MAGI1: variants seen among roughly 807,000 people sequenced by gnomAD.
MAGI1 encodes membrane associated guanylate kinase, WW and PDZ domain containing 1, also known as membrane-associated guanylate kinase, WW and PDZ domain-containing protein 1.
A neutral mutation model predicts 139.9 loss-of-function variants in MAGI1; 58 were observed. The observed-to-expected ratio is 0.41, with a 90% confidence interval of 0.34 to 0.52. The LOEUF is 0.52. MAGI1 is among the 20% of genes least tolerant of loss of function. The pLI is 0.12. For missense variants in MAGI1, 1,874 were observed against 1,901.6 expected, an observed-to-expected ratio of 0.99 and a Z score of 0.27; for synonymous variants, 812 against 737.9, an observed-to-expected ratio of 1.10 and a Z score of -1.63.
At chr3:65,918,749 C>T (rs1289836494) in intron 1 of MAGI1, among the ~76,000 whole-genome samples, 1 of 152,048 alleles carries the variant, frequency 6.6e-6, no homozygotes, top group Non-Finnish European at 1.5e-5. Flanking sequence ...TTGGTGACTA[C>T]GCAGGTCAGC....
intron 2 of MAGI1, among the ~76,000 whole-genome samples, chr3:65,530,516 C>T (rs1246225579): frequency 6.6e-6 from 1 of 150,756 alleles, no homozygotes; most frequent in Non-Finnish European, 1.5e-5. Context: ...ACTGGAGAGA[C>T]TGAGGTGGGA....
intron 1 of MAGI1, among the ~76,000 whole-genome samples, chr3:65,868,721 C>G (rs1178912123): frequency 2.0e-5 from 3 of 152,174 alleles, no homozygotes; most frequent in Non-Finnish European, 4.4e-5. Flanking sequence ...GCAAGGGTGA[C>G]AAGAACCATT....
chr3:65,426,000 G>A (rs1340981215), intron 12 of MAGI1, among the ~76,000 whole-genome samples: 1 of 152,184 alleles, frequency 6.6e-6, no homozygotes, highest in East Asian at 1.9e-4. Context: ...TCTGAATGCA[G>A]ATGCTATGTT....
chr3:66,014,244 A>T (rs2067501739), intron 1 of MAGI1, among the ~76,000 whole-genome samples: 1 of 152,208 alleles, frequency 6.6e-6, no homozygotes, highest in Non-Finnish European at 1.5e-5. Context: ...ACAAACCGAG[A>T]CATATGGTCA....
intron 2 of MAGI1, chr3:65,609,787 G>A (rs986041391): frequency 9.3e-5 from 32 of 343,842 alleles, no homozygotes; most frequent in Admixed American, 3.2e-4. Context: ...ATGTTGCCCA[G>A]GCTGGTCTCA....
intron 1 of MAGI1, among the ~76,000 whole-genome samples, chr3:65,914,828 T>G (rs2061825048): frequency 6.6e-6 from 1 of 152,202 alleles, no homozygotes; most frequent in South Asian, 2.1e-4. Context: ...GTTCAATTGC[T>G]TAGAGTAACC....
At chr3:65,805,326 C>T (rs1022312933) in intron 1 of MAGI1, among the ~76,000 whole-genome samples, 2 of 152,122 alleles carry the variant, frequency 1.3e-5, no homozygotes, top group African/African-American at 4.8e-5. Flanking sequence ...AGCCAACAAA[C>T]GTATGAAAAA....
In MAGI1 at chr3:66,037,824, C is replaced by A. The variant is rs138775979; in HGVS notation, c.313+172G>T. ...CCTCTTCGAAACGCAGGTGGGCAAACAACCCTCAACCTCGCAACAACTTTG... is the reference window on the plus strand; with the variant it reads ...CCTCTTCGAAACGCAGGTGGGCAAAAAACCCTCAACCTCGCAACAACTTTG... On this transcript the variant is annotated intron_variant, in intron 1 of 22. Transcript: ENST00000402939. Among the ~76,000 whole-genome samples, 1,461 of 152,308 alleles carry A rather than the reference C, an allele frequency of 9.6e-3. 15 individuals are homozygous for A. The highest frequency in any genetic ancestry group is 0.017 in the Non-Finnish European group (1,124 of 68,032).
At chr3:65,680,555 C>T (rs2087510830) in intron 1 of MAGI1, among the ~76,000 whole-genome samples, 1 of 152,096 alleles carries the variant, frequency 6.6e-6, no homozygotes, top group South Asian at 2.1e-4. Context: ...GCTGGGACTA[C>T]AAGCACACAC....
At chr3:65,581,279 G>C (rs1010325272) in intron 2 of MAGI1, among the ~76,000 whole-genome samples, 5 of 151,912 alleles carry the variant, frequency 3.3e-5, no homozygotes, top group African/African-American at 9.7e-5. Flanking sequence ...GATATGACTT[G>C]TATATGAACC....
At chr3:65,694,172 G>A (rs1048115144) in intron 1 of MAGI1, among the ~76,000 whole-genome samples, 2 of 152,144 alleles carry the variant, frequency 1.3e-5, no homozygotes, top group African/African-American at 4.8e-5. Flanking sequence ...GAGGCATTGA[G>A]AATCAGACTT....
intron 1 of MAGI1, among the ~76,000 whole-genome samples, chr3:65,785,804 C>T (rs2039329746): frequency 6.6e-6 from 1 of 152,156 alleles, no homozygotes; most frequent in Non-Finnish European, 1.5e-5. Context: ...TTCACCCATA[C>T]CAAACATCAC....
chr3:65,737,124 C>G (rs2034822614), intron 1 of MAGI1, among the ~76,000 whole-genome samples: 1 of 152,170 alleles, frequency 6.6e-6, no homozygotes. Flanking sequence ...CCTGCCTCAG[C>G]CTCCTGAGTA....
chr3:65,700,892 G>A (rs906110289), intron 1 of MAGI1, among the ~76,000 whole-genome samples: 6 of 152,188 alleles, frequency 3.9e-5, no homozygotes, highest in Admixed American at 3.9e-4. Context: ...CTAAGAGGAA[G>A]TACAGCTCTT....
chr3:66,002,058 A>C (rs2107449128), intron 1 of MAGI1, among the ~76,000 whole-genome samples: 1 of 152,280 alleles, frequency 6.6e-6, no homozygotes, highest in Middle Eastern at 3.4e-3. Flanking sequence ...TCCTGCCTCA[A>C]TTTCATAGAT....
At chr3:65,951,425 C>T (rs2063858002) in intron 1 of MAGI1, among the ~76,000 whole-genome samples, 1 of 152,148 alleles carries the variant, frequency 6.6e-6, no homozygotes, top group Non-Finnish European at 1.5e-5. Context: ...AACGTAAAAA[C>T]AGATCAAATG....
chr3:65,508,676 A>C (rs1042785657), intron 2 of MAGI1, among the ~76,000 whole-genome samples: 2 of 152,350 alleles, frequency 1.3e-5, no homozygotes, highest in Non-Finnish European at 2.9e-5. Flanking sequence ...ATGTGAGTCC[A>C]GATACAATCC....
chr3:65,959,823 TGAGACAGAGTCTCACTCTGTCGCCC>T (rs1440188960), intron 1 of MAGI1, among the ~76,000 whole-genome samples: 1 of 131,258 alleles, frequency 7.6e-6, no homozygotes, highest in African/African-American at 2.9e-5. Context: ...TTTTTTTTTT[TGAGACAGAGTCTCACTCTGTCGCCC>T]AGGCTGGAGT....
At chr3:65,694,494 G>C (rs528177575) in intron 1 of MAGI1, among the ~76,000 whole-genome samples, 1 of 152,310 alleles carries the variant, frequency 6.6e-6, no homozygotes, top group East Asian at 1.9e-4. Context: ...AACCTTCTAA[G>C]GAGGATTTCT....
Sources: gnomAD v4.1 joint callset for allele counts (sites outside exome capture counted in the v4.1 genomes callset) on GRCh38, gnomAD v4.1.1 for gene constraint, MANE v1.5 for transcripts, NCBI Gene and HGNC (gene_info 2026-07-23, HGNC 2026-07-21) for gene names.